The following CTNNBL1 variants were observed in gnomAD, a reference collection of about 807,000 sequenced individuals.
The protein encoded by CTNNBL1 is beta-catenin-like protein 1.
In CTNNBL1, 31 loss-of-function variants were observed where a neutral mutation model predicts 72.7. The ratio of observed to expected loss-of-function variants is 0.43; its 90% CI spans 0.32 to 0.58. CTNNBL1 has a LOEUF of 0.58. Ranked by LOEUF, CTNNBL1 falls within the 20% of genes least tolerant of loss-of-function variation. The pLI, the probability that CTNNBL1 is intolerant of heterozygous loss-of-function variation, is 0.08. For missense variants in CTNNBL1, 534 were observed against 725.1 expected, an observed-to-expected ratio of 0.74 and a Z score of 3.03; for synonymous variants, 240 against 267.3, an observed-to-expected ratio of 0.90 and a Z score of 1.00.
At chr20:37,735,661 T>A (rs1332266525) in intron 2 of CTNNBL1, among the ~76,000 whole-genome samples, 1 of 152,180 alleles carries the variant, frequency 6.6e-6, no homozygotes, top group Admixed American at 6.5e-5. Context: ...AACCTTGGGA[T>A]CTAGGAGTCA....
chr20:37,791,342 A>G (rs1212579158), intron 10 of CTNNBL1, among the ~76,000 whole-genome samples: 1 of 152,230 alleles, frequency 6.6e-6, no homozygotes, highest in Non-Finnish European at 1.5e-5. Context: ...CAAAATGGTT[A>G]TAGCATTTTA....
chr20:37,747,181 C>T (rs1363669458), intron 4 of CTNNBL1, among the ~76,000 whole-genome samples: 1 of 152,038 alleles, frequency 6.6e-6, no homozygotes, highest in Non-Finnish European at 1.5e-5. Flanking sequence ...AGTTTGAGAC[C>T]ACCCTGGCCA....
intron 1 of CTNNBL1, chr20:37,727,219 G>A (rs2073092674): frequency 3.5e-6 from 1 of 282,122 alleles, no homozygotes; most frequent in Admixed American, 6.5e-5. Flanking sequence ...TGGGTACGCA[G>A]GGAGTATCCT....
intron 15 of CTNNBL1, among the ~76,000 whole-genome samples, chr20:37,863,709 A>G (rs2072511648): frequency 6.6e-6 from 1 of 152,068 alleles, no homozygotes; most frequent in Non-Finnish European, 1.5e-5. Context: ...TTGGGGTACA[A>G]GGGGTGACTG....
At chr20:37,761,749 T>C (rs1309951768) in intron 5 of CTNNBL1, among the ~76,000 whole-genome samples, 2 of 152,132 alleles carry the variant, frequency 1.3e-5, no homozygotes, top group Admixed American at 1.3e-4. Context: ...AGAATTAAAA[T>C]AGAGTGATGT....
chr20:37,800,995 T>G (rs897332735), intron 10 of CTNNBL1, among the ~76,000 whole-genome samples: 1 of 152,238 alleles, frequency 6.6e-6, no homozygotes, highest in Non-Finnish European at 1.5e-5. Flanking sequence ...CCTTAATAAC[T>G]GAATCTAAGA....
chr20:37,759,091 T>G (rs2073392123), intron 5 of CTNNBL1, among the ~76,000 whole-genome samples: 1 of 152,218 alleles, frequency 6.6e-6, no homozygotes, highest in South Asian at 2.1e-4. Context: ...TATGACCGAA[T>G]ATAATGAAAA....
intron 1 of CTNNBL1, among the ~76,000 whole-genome samples, chr20:37,707,176 A>T (rs1368535204): frequency 6.6e-6 from 1 of 152,178 alleles, no homozygotes; most frequent in Admixed American, 6.5e-5. Context: ...ATGCTAAATG[A>T]GCATTGGCTT....
intron 1 of CTNNBL1, among the ~76,000 whole-genome samples, chr20:37,700,461 G>A (rs1443832990): frequency 6.6e-6 from 1 of 152,108 alleles, no homozygotes; most frequent in Non-Finnish European, 1.5e-5. Flanking sequence ...ATAGAGATAG[G>A]CACTAAGCGC....
intron 10 of CTNNBL1, among the ~76,000 whole-genome samples, chr20:37,790,703 C>T (rs78772061): frequency 0.011 from 1,620 of 152,210 alleles, 29 homozygotes; most frequent in African/African-American, 0.035. Context: ...TCAAGATTAC[C>T]GGGCAGGAAG....
chr20:37,727,587 G>A (rs1460146076), intron 1 of CTNNBL1, among the ~76,000 whole-genome samples: 3 of 152,228 alleles, frequency 2.0e-5, no homozygotes, highest in Non-Finnish European at 4.4e-5. Flanking sequence ...AGTCCTGTGG[G>A]CAGCAGAGGC....
intron 10 of CTNNBL1, 114 bp from the exon 11 acceptor site, chr20:37,802,753 A>G: frequency 2.5e-6 from 2 of 795,718 alleles, no homozygotes; most frequent in East Asian, 2.5e-5. Context: ...GTTAACAAGT[A>G]TGTAATATTT....
intron 11 of CTNNBL1, among the ~76,000 whole-genome samples, chr20:37,832,852 T>A (rs1011621502): frequency 3.3e-5 from 5 of 151,698 alleles, no homozygotes; most frequent in Non-Finnish European, 7.4e-5. Flanking sequence ...TTCACAAAAA[T>A]GGTGCACACT....
intron 11 of CTNNBL1, among the ~76,000 whole-genome samples, chr20:37,838,912 G>A (rs2072277546): frequency 6.6e-6 from 1 of 152,068 alleles, no homozygotes. Context: ...AAGTTGATAG[G>A]ATGTTAGGCA....
chr20:37,836,938 T>A (rs909837823), intron 11 of CTNNBL1, among the ~76,000 whole-genome samples: 10 of 152,196 alleles, frequency 6.6e-5, no homozygotes, highest in African/African-American at 2.4e-4. Flanking sequence ...AATACCAGGA[T>A]GTTGTCACCA....
At chr20:37,723,061 A>C (rs2073054397) in intron 1 of CTNNBL1, among the ~76,000 whole-genome samples, 1 of 152,260 alleles carries the variant, frequency 6.6e-6, no homozygotes, top group Non-Finnish European at 1.5e-5. Context: ...AAACCGAATC[A>C]ACATTCAGCT....
At chr20:37,703,435 T>C (rs2072860063) in intron 1 of CTNNBL1, among the ~76,000 whole-genome samples, 1 of 152,248 alleles carries the variant, frequency 6.6e-6, no homozygotes, top group Non-Finnish European at 1.5e-5. Flanking sequence ...TTGTCAGTGC[T>C]GTCTTTTGCC....
chr20:37,766,605 A>C (rs1359241405), intron 6 of CTNNBL1, among the ~76,000 whole-genome samples: 1 of 152,182 alleles, frequency 6.6e-6, no homozygotes, highest in Non-Finnish European at 1.5e-5. Context: ...GCTCCTGTGC[A>C]TGACTGTGGC....
intron 1 of CTNNBL1, among the ~76,000 whole-genome samples, chr20:37,717,720 A>C (rs1265357927): frequency 6.6e-6 from 1 of 151,950 alleles, no homozygotes; most frequent in Non-Finnish European, 1.5e-5. Context: ...AAGTGGACAA[A>C]GGTCTCTGGT....
Sources: gnomAD v4.1 joint callset for allele counts (sites outside exome capture counted in the v4.1 genomes callset) on GRCh38, gnomAD v4.1.1 for gene constraint, MANE v1.5 for transcripts, NCBI Gene and HGNC (gene_info 2026-07-23, HGNC 2026-07-21) for gene names.